The following DENND4C variants were observed in gnomAD, a reference collection of about 807,000 sequenced individuals.
The protein encoded by DENND4C is DENN domain containing 4C.
A neutral mutation model predicts 203.0 loss-of-function variants in DENND4C; 108 were observed. The observed-to-expected ratio is 0.53, with a 90% CI of 0.46 to 0.62. DENND4C has a LOEUF of 0.62. DENND4C is among the 20% of genes least tolerant of loss of function. The pLI, the probability that DENND4C is intolerant of heterozygous loss-of-function variation, is 0.00. For missense variants in DENND4C, 2,481 were observed against 2,301.2 expected, an observed-to-expected ratio of 1.08 and a Z score of -1.60; for synonymous variants, 871 against 792.4, an observed-to-expected ratio of 1.10 and a Z score of -1.67.
intron 30 of DENND4C, among the ~76,000 whole-genome samples, chr9:19,368,077 A>G (rs1391247759): frequency 6.6e-6 from 1 of 152,212 alleles, no homozygotes; most frequent in Non-Finnish European, 1.5e-5. Context: ...ACTAAAAACC[A>G]TTGAATTGTG....
intron 24 of DENND4C, among the ~76,000 whole-genome samples, chr9:19,351,308 A>T (rs1054602664): frequency 5.0e-4 from 76 of 152,302 alleles, no homozygotes; most frequent in African/African-American, 1.8e-3. Flanking sequence ...AATAAATGCA[A>T]ATGTCCAAGC....
intron 4 of DENND4C, among the ~76,000 whole-genome samples, chr9:19,290,173 C>G (rs1835999908): frequency 6.6e-6 from 1 of 152,120 alleles, no homozygotes; most frequent in African/African-American, 2.4e-5. Context: ...GTCACTTGCT[C>G]CTACTTTCTG....
chr9:19,317,547 C>T (rs551475624), intron 12 of DENND4C, among the ~76,000 whole-genome samples: 2 of 152,166 alleles, frequency 1.3e-5, no homozygotes, highest in African/African-American at 4.8e-5. Context: ...TTTTACTTCT[C>T]TGTGCTTTTT....
intron 22 of DENND4C, among the ~76,000 whole-genome samples, chr9:19,344,572 G>T (rs1563824351): frequency 6.6e-6 from 1 of 152,116 alleles, no homozygotes; most frequent in Non-Finnish European, 1.5e-5. Context: ...ATGGCTCACT[G>T]CAGCCTCAAC....
chr9:19,350,983 G>A (rs564379514), intron 24 of DENND4C, 104 bp downstream of exon 24: 14 of 1,188,764 alleles, frequency 1.2e-5, no homozygotes, highest in East Asian at 5.1e-5. Flanking sequence ...GGCTGGTCTC[G>A]AACTCCTGGG....
At chr9:19,337,144 C>G (rs1259834352) in intron 20 of DENND4C, among the ~76,000 whole-genome samples, 43 of 152,074 alleles carry the variant, frequency 2.8e-4, no homozygotes, top group Non-Finnish European at 2.9e-5. Context: ...ACACAACTTG[C>G]AAATCTTTTT....
chr9:19,292,475 G>T (rs183626357), intron 5 of DENND4C: 1 of 151,034 alleles, frequency 6.6e-6, no homozygotes, highest in South Asian at 2.1e-4. Context: ...AAGAAGAGAA[G>T]GCAAAAATAA....
chr9:19,266,786 G>A (rs1244684316), intron 1 of DENND4C, among the ~76,000 whole-genome samples: 2 of 152,172 alleles, frequency 1.3e-5, no homozygotes, highest in African/African-American at 4.8e-5. Context: ...GTAGAGGGCT[G>A]AAACTGGATC....
intron 10 of DENND4C, among the ~76,000 whole-genome samples, chr9:19,308,657 C>G (rs1301058437): frequency 6.6e-6 from 1 of 152,156 alleles, no homozygotes; most frequent in Non-Finnish European, 1.5e-5. Flanking sequence ...AACAGGGGCT[C>G]ATCTTAATTT....
At chr9:19,345,734 C>T (rs1283834303) in intron 22 of DENND4C, among the ~76,000 whole-genome samples, 187 bp from the exon 23 acceptor site, 1 of 151,798 alleles carries the variant, frequency 6.6e-6, no homozygotes, top group Non-Finnish European at 1.5e-5. Context: ...TTAAAATGTC[C>T]CTGGGAGGCA....
At chr9:19,232,591 A>G (rs1820852987) in intron 1 of DENND4C, among the ~76,000 whole-genome samples, 1 of 152,200 alleles carries the variant, frequency 6.6e-6, no homozygotes, top group Non-Finnish European at 1.5e-5. Flanking sequence ...AGTGCATTCT[A>G]TTGTCGAGAG....
At chr9:19,258,656 T>G (rs187073174) in intron 1 of DENND4C, among the ~76,000 whole-genome samples, 3,257 of 151,756 alleles carry the variant, frequency 0.021, 45 homozygotes, top group Non-Finnish European at 0.022. Flanking sequence ...TTCTTTAAAT[T>G]TTAAGTTTTT....
rs532038880 is a variant in DENND4C, at chr9:19,335,183, A to T, written c.2589+78A>T. ...TTGTATACCTTTAGTTATTCATGAAACTCCTATTAAAGGAAGTTTTGGGAT... is the reference window on the plus strand; with the variant it reads ...TTGTATACCTTTAGTTATTCATGAATCTCCTATTAAAGGAAGTTTTGGGAT... On this transcript the variant is annotated intron_variant, in intron 18 of 32. Transcript: ENST00000434457. The T allele has an allele frequency of 2.4e-5, 26 of 1,068,836 alleles. No individual in the cohort carries two copies. In the African/African-American group the frequency reaches 4.3e-4, roughly 18 times the overall value. The allele number at this position is 1,068,836 out of a possible 1,614,324, so 66.2% of individuals were successfully genotyped here.
rs1237192953 is a variant in DENND4C at position 19,310,572 on chromosome 9, C to T, written c.1487+5045C>T. 1.1e-4 allele frequency among the ~76,000 whole-genome samples: 16 copies of T among 152,144 alleles called. 1 individual carries two copies. Among genetic ancestry groups the T allele is most frequent in the Admixed American group, 1.0e-3 (16 of 15,268 alleles). ...GTTCTTTCAGTAAAAATTTGCCTAT[C>T]CTTCCTCTAGAGTTTTGATATCTTA... On this transcript the variant is annotated intron_variant, in intron 10 of 32. Transcript: ENST00000434457.
At chr9:19,296,385 G>C in intron 6 of DENND4C, 139 bp downstream of exon 6, 1 of 595,312 alleles carries the variant, frequency 1.7e-6, no homozygotes, top group Non-Finnish European at 2.9e-6. Context: ...TTTTTTTTGA[G>C]ATGGAGTATT....
At chr9:19,262,632 A>G (rs1372881733) in intron 1 of DENND4C, among the ~76,000 whole-genome samples, 2 of 151,980 alleles carry the variant, frequency 1.3e-5, no homozygotes, top group Non-Finnish European at 2.9e-5. Flanking sequence ...GGGTTTTGCC[A>G]TATCGGCCAG....
chr9:19,336,240 A>C, intron 18 of DENND4C, 30 bp from the exon 19 acceptor site: 1 of 1,599,072 alleles, frequency 6.3e-7, no homozygotes, highest in Non-Finnish European at 8.5e-7. Context: ...TTGCTAATGA[A>C]CATTATTTTT....
rs565979253 is a variant in DENND4C at position 19,287,805 on chromosome 9, T to C, written c.558+784T>C. ...TGGAGTGCAGTGGCGTGATCTTGGC[T>C]CACTGCAACCTCCACCTCCCAGGTT... On this transcript the variant is annotated intron_variant, in intron 3 of 32. Coordinates refer to ENST00000434457, the MANE Select transcript of DENND4C (RefSeq NM_001330640.2). 7.9e-5 allele frequency among the ~76,000 whole-genome samples: 12 copies of C among 152,292 alleles called. No homozygotes were observed. The East Asian group carries it at 2.3e-3, about 29-fold the overall frequency.
intron 4 of DENND4C, among the ~76,000 whole-genome samples, chr9:19,289,662 C>G (rs1179341383): frequency 1.3e-5 from 2 of 151,922 alleles, no homozygotes; most frequent in Non-Finnish European, 2.9e-5. Flanking sequence ...AACCCCGTCT[C>G]TACTAAAAAT....
Sources: gnomAD v4.1 joint callset for allele counts (sites outside exome capture counted in the v4.1 genomes callset) on GRCh38, gnomAD v4.1.1 for gene constraint, MANE v1.5 for transcripts, NCBI Gene and HGNC (gene_info 2026-07-23, HGNC 2026-07-21) for gene names.